ACTA2: variants seen among roughly 807,000 people sequenced by gnomAD.
The protein encoded by ACTA2 is actin alpha 2, smooth muscle.
A neutral mutation model predicts 39.5 loss-of-function variants in ACTA2; 12 were observed. The observed-to-expected ratio is 0.30, with a 90% CI of 0.19 to 0.49. The LOEUF (loss-of-function observed/expected upper bound fraction) is 0.49. Ranked by LOEUF, ACTA2 falls within the 20% of genes least tolerant of loss-of-function variation. The probability of loss-of-function intolerance (pLI) is 0.99; values close to 1 mark genes in which losing one functional copy is unlikely to be tolerated. For synonymous variants in ACTA2, 158 were observed against 180.6 expected (o/e 0.88, Z 1.00); for missense variants, 236 against 498.8 (o/e 0.47, Z 5.02).
At chr10:88,985,446 G>T (rs1392770728) in intron 1 of ACTA2, among the ~76,000 whole-genome samples, 4 of 152,182 alleles carry the variant, frequency 2.6e-5, no homozygotes, top group South Asian at 2.1e-4. Flanking sequence ...ATTGCCTTCT[G>T]CAGAAAACCA....
At chr10:88,984,658 A>C (rs1017561003) in intron 1 of ACTA2, among the ~76,000 whole-genome samples, 4 of 151,704 alleles carry the variant, frequency 2.6e-5, no homozygotes, top group African/African-American at 7.2e-5. Context: ...TCTCTGAGCC[A>C]GGCCTCTCTT....
At chr10:88,955,758 G>A (rs577934155), upstream of ACTA2, among the ~76,000 whole-genome samples, 1 of 152,302 alleles carries the variant, frequency 6.6e-6, no homozygotes, top group Non-Finnish European at 1.5e-5. Context: ...GCAACATGAG[G>A]ATGTGAGGAA....
chr10:88,953,004 T>A (rs1157165190), upstream of ACTA2, among the ~76,000 whole-genome samples: 1 of 152,240 alleles, frequency 6.6e-6, no homozygotes, highest in Non-Finnish European at 1.5e-5. Flanking sequence ...CTGTGGGAGA[T>A]AAACACGCCA....
chr10:88,937,071 G>T lies in ACTA2; in HGVS notation c.990+990C>A, dbSNP rs11202905. Among the ~76,000 whole-genome samples, 245 of 152,280 alleles carry T rather than the reference G, an allele frequency of 1.6e-3. 1 individual carries two copies. The highest frequency in any genetic ancestry group is 4.7e-3 in the African/African-American group (196 of 41,564). On this transcript the variant is annotated intron_variant, in intron 8 of 8. Coordinates refer to ENST00000224784, the MANE Select transcript of ACTA2 (RefSeq NM_001613.4). ...ACCTCCCTCTTGTGTGGAAGTAAGG[G>T]GGGTAAGAGCTGATCAGAATGGCAT...
exon 1 of ACTA2, chr10:88,991,131 G>A (rs960154786): frequency 1.1e-5 from 7 of 623,762 alleles, no homozygotes; most frequent in African/African-American, 1.1e-4. Flanking sequence ...GCTTTTCTTG[G>A]GCCTTGATGC....
upstream of ACTA2, among the ~76,000 whole-genome samples, chr10:88,954,041 T>C (rs2133285604): frequency 1.3e-5 from 2 of 152,338 alleles, no homozygotes; most frequent in South Asian, 4.1e-4. Context: ...CAAGCATCAA[T>C]GAATAGCTTC....
At chr10:88,979,393 G>A (rs942821235) in intron 1 of ACTA2, among the ~76,000 whole-genome samples, 17 of 152,154 alleles carry the variant, frequency 1.1e-4, no homozygotes, top group Middle Eastern at 3.2e-3. Context: ...AAAGAGAGAC[G>A]TTCACAAGGA....
intron 1 of ACTA2, chr10:88,973,398 C>T: frequency 7.3e-7 from 1 of 1,365,054 alleles, no homozygotes; most frequent in Non-Finnish European, 9.6e-7. Context: ...TCATAGAGTT[C>T]CCGATGAAAA....
At position 88,939,549 on chromosome 10, in the gene ACTA2, G is replaced by A. The variant is rs886038852; in HGVS notation, c.766C>T (p.Arg256Cys). The A allele has an allele frequency of 1.9e-6, 3 of 1,614,014 alleles. No individual in the cohort carries two copies. The highest frequency in any genetic ancestry group is 2.5e-6 in the Non-Finnish European group (3 of 1,179,992). ...AACAGGGTCTCTGGGCAGCGGAAAC[G>A]TTCATTTCCGATGGTGATCACTTGC... ...DGQVITIGNE[R>C]FRCPETLFQP... is the part of the protein sequence containing the mutation. Residue 256 changes from arginine (R) to cysteine (C), a missense_variant, in exon 7 of 9, where the codon CGT becomes TGT. Physicochemically the swap from Arg to Cys is radical, Grantham distance 180. Coordinates refer to ENST00000224784, the MANE Select transcript of ACTA2 (RefSeq NM_001613.4).
chr10:88,961,815 T>A (rs1463529703), intron 1 of ACTA2, among the ~76,000 whole-genome samples: 1 of 152,190 alleles, frequency 6.6e-6, no homozygotes, highest in East Asian at 1.9e-4. Context: ...TAGGTTTCAA[T>A]GAAAAGGTAC....
intron 1 of ACTA2, among the ~76,000 whole-genome samples, chr10:88,964,290 A>G (rs1257622836): frequency 6.6e-6 from 1 of 152,204 alleles, no homozygotes; most frequent in East Asian, 1.9e-4. Context: ...CTTCACGTAT[A>G]TATGGGAGAT....
Position 88,990,674 on chromosome 10 carries a change from G to T in ACTA2, c.-24+265C>A. 1 of 704,708 alleles carries T rather than the reference G, an allele frequency of 1.4e-6. No individual in the cohort carries two copies. Among genetic ancestry groups the T allele is most frequent in the Non-Finnish European group, 2.6e-6 (1 of 388,584 alleles). The allele number at this position is 704,708 out of a possible 1,614,324, so 43.7% of individuals were successfully genotyped here. A position where few individuals can be genotyped will look rare whatever the true frequency, so the allele number is the denominator to read the frequency against. ...GATCTCGCGCAAGAGTGACACACAG[G>T]TGTTCAAAGACGCTTCTGGGGAGTG... On this transcript the variant is annotated intron_variant, in intron 1 of 4. Coordinates refer to the ACTA2 transcript ENST00000415557. The surrounding 1 kb of genome is among the most constrained non-coding windows in gnomAD (Gnocchi z 4.9).
chr10:88,947,837 A>G (rs1346263887), intron 2 of ACTA2, among the ~76,000 whole-genome samples: 1 of 152,242 alleles, frequency 6.6e-6, no homozygotes. Flanking sequence ...TACCCAAAAG[A>G]ATATGAGCAT....
At chr10:88,970,995 A>G (rs542584624) in intron 1 of ACTA2, among the ~76,000 whole-genome samples, 1 of 152,288 alleles carries the variant, frequency 6.6e-6, no homozygotes, top group East Asian at 1.9e-4. Context: ...CCTCCGCCCA[A>G]AGGCAATAAA....
At chr10:88,959,731 T>C (rs1465676539) in intron 1 of ACTA2, among the ~76,000 whole-genome samples, 3 of 152,352 alleles carry the variant, frequency 2.0e-5, no homozygotes, top group African/African-American at 7.2e-5. Flanking sequence ...TTTTACTTAA[T>C]GTTCCTTTTT....
exon 1 of ACTA2, chr10:88,991,028 G>A: frequency 7.4e-7 from 1 of 1,354,906 alleles, no homozygotes; most frequent in Non-Finnish European, 1.0e-6. Flanking sequence ...GCACCTGGGA[G>A]CGGCGGGCTG....
chr10:88,966,984 C>T (rs963238866), intron 1 of ACTA2, among the ~76,000 whole-genome samples: 4 of 152,148 alleles, frequency 2.6e-5, no homozygotes, highest in Admixed American at 1.3e-4. Flanking sequence ...GCTCAAACAG[C>T]GCCAAGAGGG....
At chr10:88,947,470 T>C in intron 2 of ACTA2, 84 bp from the exon 3 acceptor site, 1 of 1,582,764 alleles carries the variant, frequency 6.3e-7, no homozygotes, top group Admixed American at 1.7e-5. Flanking sequence ...GTTAAGTCAT[T>C]GAGATGGGAA....
At chr10:88,941,085 G>C (rs771358652) in intron 6 of ACTA2, 144 bp downstream of exon 6, 9 of 1,005,292 alleles carry the variant, frequency 9.0e-6, no homozygotes, top group Non-Finnish European at 1.4e-5. Context: ...AGCAAAGAAA[G>C]ATGTGCTTTG....
Sources: gnomAD v4.1 joint callset for allele counts (sites outside exome capture counted in the v4.1 genomes callset) on GRCh38, gnomAD v4.1.1 for gene constraint, Gnocchi (gnomAD v3.1) non-coding constraint, MANE v1.5 for transcripts, NCBI Gene and HGNC (gene_info 2026-07-23, HGNC 2026-07-21) for gene names.